Variants in OR2A25 observed in about 807,000 individuals in gnomAD.
OR2A25 encodes olfactory receptor 2A25.
For synonymous variants in OR2A25, 162 were observed against 148.1 expected (o/e 1.09, Z -0.68); for missense variants, 362 against 368.3 (o/e 0.98, Z 0.14).
Position 144,074,252 on chromosome 7 carries a change from C to T in OR2A25, c.33C>T (p.Phe11=), listed in dbSNP as rs367951090. ...GAAATCAGACTTCCATCACAGAGTT[C>T]CTCCTACTGGGATTTCCCATTGGCC... MGGNQTSITE[F]LLLGFPIGPR... is the part of the protein sequence containing the mutation. Residue 11 remains phenylalanine, a synonymous_variant, in exon 2 of 2, where the codon TTC becomes TTT. Coordinates refer to ENST00000641663, the MANE Select transcript of OR2A25 (RefSeq NM_001386096.1). The T allele has an allele frequency of 2.5e-6, 4 of 1,613,782 alleles. No individual in the cohort carries two copies. Among genetic ancestry groups the T allele is most frequent in the African/African-American group, 2.7e-5 (2 of 74,908 alleles).
chr7:144,075,075 C>A lies in OR2A25; in HGVS notation c.856C>A (p.Pro286Thr), dbSNP rs2051102730. 6 of 1,614,054 alleles carry A rather than the reference C, an allele frequency of 3.7e-6. No homozygotes were observed. The highest frequency in any genetic ancestry group is 1.3e-5 in the African/African-American group (1 of 75,020). Residue 286 changes from proline (P) to threonine (T), a missense_variant, in exon 2 of 2, where the codon CCC becomes ACC. Pro to Thr is a conservative substitution (Grantham distance 38, BLOSUM62 -1). Coordinates refer to ENST00000641663, the MANE Select transcript of OR2A25 (RefSeq NM_001386096.1). The stretch of plus-strand genomic sequence containing the variant: ...CAGCCTCTTCAATCCCATGCTTAAT[C>A]CCCTAATTTATAGTCTTAGGAACAA... ...FHSLFNPMLN[P>T]LIYSLRNKEV...
intron 1 of OR2A25, among the ~76,000 whole-genome samples, chr7:144,072,068 C>G (rs1306916167): frequency 6.6e-6 from 1 of 151,970 alleles, no homozygotes; most frequent in African/African-American, 2.4e-5. Flanking sequence ...ATAATATCAC[C>G]TTCCAATAAT....
chr7:144,074,708 A>AGATGTAACAGTAGAAGGT lies in OR2A25; in HGVS notation c.489_490insGATGTAACAGTAGAAGGT (p.Leu163_Pro164insAspValThrValGluGly). The AGATGTAACAGTAGAAGGT allele has an allele frequency of 6.2e-7, 1 of 1,614,128 alleles. No individual in the cohort carries two copies. The highest frequency in any genetic ancestry group is 8.5e-7 in the Non-Finnish European group (1 of 1,180,018). On this transcript the variant is annotated inframe_insertion, in exon 2 of 2. Transcript: ENST00000641663. ...CCCTTGTCCATCTAGTGTTACTGCTACCACTGTCCTTCTGTGGACCCCAGA... is the reference window on the plus strand; with the variant it reads ...CCCTTGTCCATCTAGTGTTACTGCTAGATGTAACAGTAGAAGGTCCACTGTCCTTCTGTGGACCCCAGA...
intron 1 of OR2A25, among the ~76,000 whole-genome samples, chr7:144,072,116 C>T (rs2051071385): frequency 6.6e-6 from 1 of 152,020 alleles, no homozygotes; most frequent in South Asian, 2.1e-4. Flanking sequence ...TGAAGCAAAA[C>T]TTATCTACCT....
chr7:144,071,608 C>A (rs986540111), intron 1 of OR2A25, among the ~76,000 whole-genome samples: 1 of 152,020 alleles, frequency 6.6e-6, no homozygotes, highest in African/African-American at 2.4e-5. Context: ...TGCCTACAAA[C>A]AAGTACAGTC....
chr7:144,070,162 A>AAC (rs2051054892), intron 1 of OR2A25, among the ~76,000 whole-genome samples: 1 of 152,108 alleles, frequency 6.6e-6, no homozygotes, highest in Admixed American at 6.6e-5. Context: ...TCTCCACTGC[A>AAC]ACACACTTTC....
chr7:144,073,739 G>A (rs2051084694), intron 1 of OR2A25, among the ~76,000 whole-genome samples: 1 of 152,088 alleles, frequency 6.6e-6, no homozygotes, highest in Admixed American at 6.6e-5. Flanking sequence ...TAAAACAAAG[G>A]CACAAATTGG....
intron 1 of OR2A25, among the ~76,000 whole-genome samples, chr7:144,073,221 A>G (rs1010974757): frequency 2.0e-5 from 3 of 152,156 alleles, no homozygotes; most frequent in Non-Finnish European, 4.4e-5. Context: ...TATATTTCAA[A>G]ATAGCCAGAA....
chr7:144,074,463 G>A lies in OR2A25; in HGVS notation c.244G>A (p.Val82Met), dbSNP rs751634795. 1 of 1,614,158 alleles carries A rather than the reference G, an allele frequency of 6.2e-7. No individual in the cohort carries two copies. Among genetic ancestry groups the A allele is most frequent in the South Asian group, 1.1e-5 (1 of 91,082 alleles). ...TTGCAGCACGGTGCCCCAGATGCTG[G>A]TGAACCTCCTGCATCCAGCCAAGCC... ...CACSTVPQML[V>M]NLLHPAKPIS... The change falls in exon 2 of 2, where the codon GTG becomes ATG. Residue 82 changes from valine to methionine, a missense_variant. Transcript: ENST00000641663.
In OR2A25 at chr7:144,074,649, G is replaced by C; in HGVS notation, c.430G>C (p.Ala144Pro). 1.2e-6 allele frequency: 2 copies of C among 1,614,154 alleles called. No individual in the cohort carries two copies. Among genetic ancestry groups the C allele is most frequent in the Non-Finnish European group, 1.7e-6 (2 of 1,180,024 alleles). The part of the protein sequence containing the change: ...IMTWKVCITL[A>P]LTSWILGVLL... Reference sequence around the variant, plus strand: ...GACCTGGAAAGTCTGCATCACTTTGGCATTGACTTCCTGGATTTTAGGAGT... The same window carrying C: ...GACCTGGAAAGTCTGCATCACTTTGCCATTGACTTCCTGGATTTTAGGAGT... The change falls in exon 2 of 2, where the codon GCA becomes CCA. Residue 144 changes from alanine to proline, a missense_variant. Coordinates refer to ENST00000641663, the MANE Select transcript of OR2A25 (RefSeq NM_001386096.1).
At chr7:144,072,527 G>A (rs2051074496) in intron 1 of OR2A25, among the ~76,000 whole-genome samples, 1 of 152,026 alleles carries the variant, frequency 6.6e-6, no homozygotes, top group African/African-American at 2.4e-5. Context: ...GACCCATCAT[G>A]AAATAATTCA....
chr7:144,075,549 G>T lies in OR2A25; in HGVS notation c.*397G>T. 6.3e-6 allele frequency: 1 copy of T among 157,556 alleles called. No individual in the cohort carries two copies. Among genetic ancestry groups the T allele is most frequent in the Non-Finnish European group, 1.4e-5 (1 of 71,540 alleles). 9.8% of individuals were successfully genotyped at this position (157,556 alleles called of 1,614,324 possible). On this transcript the variant is annotated 3_prime_UTR_variant, in exon 2 of 2. Coordinates refer to ENST00000641663, the MANE Select transcript of OR2A25 (RefSeq NM_001386096.1). ...ATTATTCTTAATTTAGAACGTGCCG[G>T]CCAGACACGGTGGCTCACGCCTGTA...
chr7:144,074,642 C>G lies in OR2A25; in HGVS notation c.423C>G (p.Ile141Met). Residue 141 changes from isoleucine (I) to methionine (M), a missense_variant, in exon 2 of 2, where the codon ATC (isoleucine) becomes ATG (methionine). Ile to Met is a conservative substitution (Grantham distance 10). Coordinates refer to ENST00000641663, the MANE Select transcript of OR2A25 (RefSeq NM_001386096.1). ...YSTIMTWKVC[I>M]TLALTSWILG... ...CCATCATGACCTGGAAAGTCTGCAT[C>G]ACTTTGGCATTGACTTCCTGGATTT... 1 of 1,614,220 alleles carries G rather than the reference C, an allele frequency of 6.2e-7. No individual in the cohort carries two copies. The highest frequency in any genetic ancestry group is 8.5e-7 in the Non-Finnish European group (1 of 1,180,046).
chr7:144,074,407 C>T lies in OR2A25; in HGVS notation c.188C>T (p.Ser63Leu), dbSNP rs1430758889. The T allele has an allele frequency of 9.9e-6, 16 of 1,614,072 alleles. No individual in the cohort carries two copies. In the Admixed American group the frequency reaches 2.5e-4, roughly 25 times the overall value. Residue 63 changes from serine to leucine, a missense_variant, in exon 2 of 2, where the codon TCA becomes TTA. Physicochemically the swap from Ser to Leu is moderately radical, Grantham distance 145. Transcript: ENST00000641663. ...RLHTPMYFFL[S>L]HLAVVDIACA... ...CACACCCCCATGTACTTCTTCCTCT[C>T]ACACCTGGCGGTCGTCGACATCGCC... is the stretch of plus-strand genomic sequence containing the variant.
rs748603507 is a variant in OR2A25, at chr7:144,075,047, T to G, written c.828T>G (p.Phe276Leu). The G allele has an allele frequency of 6.2e-7, 1 of 1,614,080 alleles. No individual in the cohort carries two copies. The highest frequency in any genetic ancestry group is 1.1e-5 in the South Asian group (1 of 91,078). The change falls in exon 2 of 2, where the codon TTT (phenylalanine) becomes TTG (leucine). Residue 276 changes from phenylalanine (F) to leucine (L), a missense_variant. Physicochemically the swap from Phe to Leu is conservative, Grantham distance 22. Transcript: ENST00000641663. ...AGCAGAAGAAATATCTCCTGCTGTT[T>G]CACAGCCTCTTCAATCCCATGCTTA... ...PKEQKKYLLL[F>L]HSLFNPMLNP...
Position 144,074,971 on chromosome 7 carries a change from A to G in OR2A25, c.752A>G (p.Tyr251Cys). ...CACCTCTGTGTGGTTGGACTCTTTT[A>G]TGGCACAGCCATCATCATGTATGTT... The part of the protein sequence containing the change: ...SSHLCVVGLF[Y>C]GTAIIMYVEP... Residue 251 changes from tyrosine to cysteine, a missense_variant, in exon 2 of 2, where the codon TAT (tyrosine) becomes TGT (cysteine). Physicochemically the swap from Tyr to Cys is radical, Grantham distance 194 (BLOSUM62 -2). Transcript: ENST00000641663. The G allele has an allele frequency of 1.2e-6, 2 of 1,614,124 alleles. No homozygotes were observed. Among genetic ancestry groups the G allele is most frequent in the East Asian group, 2.2e-5 (1 of 44,858 alleles).
chr7:144,074,193 T>G, intron 1 of OR2A25, 23 bp from the exon 2 acceptor site: 218 of 1,596,292 alleles, frequency 1.4e-4, no homozygotes, highest in Non-Finnish European at 1.8e-4. Context: ...TCAGACTTGG[T>G]GAGCTCCTTG....
At chr7:144,072,369 G>A (rs2051073206) in intron 1 of OR2A25, among the ~76,000 whole-genome samples, 1 of 151,858 alleles carries the variant, frequency 6.6e-6, no homozygotes, top group African/African-American at 2.4e-5. Flanking sequence ...AAACTAAAGA[G>A]TCACCATAAA....
In OR2A25 at chr7:144,075,734, C is replaced by G. The variant is rs2051108706; in HGVS notation, c.*582C>G. ...GTCCCAGCTACTCGGGAGGCTGAGGCAGGAGAATGGCGCGAACCCTGGAGA... is the reference window on the plus strand; with the variant it reads ...GTCCCAGCTACTCGGGAGGCTGAGGGAGGAGAATGGCGCGAACCCTGGAGA... On this transcript the variant is annotated 3_prime_UTR_variant, in exon 2 of 2. Transcript: ENST00000641663. 1 of 151,324 alleles carries G rather than the reference C, an allele frequency of 6.6e-6. No individual in the cohort carries two copies. Among genetic ancestry groups the G allele is most frequent in the African/African-American group, 2.4e-5 (1 of 40,962 alleles). 9.4% of individuals were successfully genotyped at this position (151,324 alleles called of 1,614,324 possible).
Sources: allele counts gnomAD v4.1 joint callset (sites outside exome capture counted in the v4.1 genomes callset), GRCh38; gene constraint gnomAD v4.1.1; transcripts MANE v1.5; gene names NCBI Gene and HGNC (gene_info 2026-07-23, HGNC 2026-07-21).